Variants in MFSD6 observed in about 807,000 individuals in gnomAD.
MFSD6 encodes major facilitator superfamily domain containing 6.
In MFSD6, 26 loss-of-function variants were observed where a neutral mutation model predicts 56.3. The ratio of observed to expected loss-of-function variants is 0.46; its 90% CI spans 0.34 to 0.64. MFSD6 has a LOEUF of 0.64. Ranked by LOEUF, MFSD6 falls within the 30% of genes least tolerant of loss-of-function variation. MFSD6 has a pLI of 0.01. For missense variants in MFSD6, 750 were observed against 986.2 expected, an observed-to-expected ratio of 0.76 and a Z score of 3.21; for synonymous variants, 331 against 366.9, an observed-to-expected ratio of 0.90 and a Z score of 1.12.
At chr2:190,445,450 C>A in intron 3 of MFSD6, among the ~76,000 whole-genome samples, 1 of 78,028 alleles carries the variant, frequency 1.3e-5, no homozygotes, top group South Asian at 4.6e-4. Flanking sequence ...TTAAAAAGCC[C>A]CAATCACAAA....
intron 4 of MFSD6, among the ~76,000 whole-genome samples, chr2:190,484,807 C>T (rs1340472834): frequency 6.6e-6 from 1 of 152,144 alleles, no homozygotes; most frequent in Non-Finnish European, 1.5e-5. Context: ...TATACGATAT[C>T]TTAAAATAAG....
In MFSD6 at chr2:190,467,255, T is replaced by C. The variant is rs1325019938; in HGVS notation, c.1533-2503T>C. ...TGGGTTTCAACCATAGAGATCTTTA[T>C]TGAGATAGGTGTGGGCCTCGGCATC... is the stretch of plus-strand genomic sequence containing the variant. On this transcript the variant is annotated intron_variant, in intron 3 of 7. Transcript: ENST00000392328. The surrounding 1 kb of genome is among the most constrained non-coding windows in gnomAD (Gnocchi z 5.5). 6.6e-6 allele frequency among the ~76,000 whole-genome samples: 1 copy of C among 152,168 alleles called. No homozygotes were observed. The highest frequency in any genetic ancestry group is 1.5e-5 in the Non-Finnish European group (1 of 68,026).
chr2:190,497,443 G>A lies in MFSD6; in HGVS notation c.1896G>A (p.Lys632=), dbSNP rs1435019170. ...WLAVPDEEED[K]TMLAERIPVP... Reference sequence around the variant, plus strand: ...TAAACATTCTTTTCTCTCCAGACAAGACAATGTTGGCAGAAAGAATTCCTG... The same window carrying A: ...TAAACATTCTTTTCTCTCCAGACAAAACAATGTTGGCAGAAAGAATTCCTG... Residue 632 remains lysine (K), a synonymous_variant, in exon 7 of 8, where the codon AAG becomes AAA. Coordinates refer to ENST00000392328, the MANE Select transcript of MFSD6 (RefSeq NM_017694.4). The surrounding 1 kb of genome is among the most constrained non-coding windows in gnomAD (Gnocchi z 5.2). 6.2e-7 allele frequency: 1 copy of A among 1,613,244 alleles called. No homozygotes were observed. Among genetic ancestry groups the A allele is most frequent in the South Asian group, 1.1e-5 (1 of 91,032 alleles).
intron 3 of MFSD6, chr2:190,444,787 C>A: frequency 2.4e-6 from 1 of 414,358 alleles, no homozygotes; most frequent in Non-Finnish European, 3.2e-6. Context: ...TATTAGGGTG[C>A]TAAAACCATC....
rs1686111364 is a variant in MFSD6 at position 190,434,507 on chromosome 2, C to T, written c.-53-1470C>T. On this transcript the variant is annotated intron_variant, in intron 2 of 7. Transcript: ENST00000392328. The surrounding 1 kb of genome is among the most constrained non-coding windows in gnomAD (Gnocchi z 4.3). Reference sequence around the variant, plus strand: ...CTGGAGTGCAGTGGCGCAATCTCAGCTCACTGCAACCTCCGCCTCCTGGGT... The same window carrying T: ...CTGGAGTGCAGTGGCGCAATCTCAGTTCACTGCAACCTCCGCCTCCTGGGT... 6.6e-6 allele frequency among the ~76,000 whole-genome samples: 1 copy of T among 152,192 alleles called. No homozygotes were observed.
chr2:190,493,066 C>G (rs1689453018), intron 6 of MFSD6, among the ~76,000 whole-genome samples: 7 of 151,982 alleles, frequency 4.6e-5, no homozygotes, highest in Admixed American at 3.9e-4. Context: ...CCTAAATGCT[C>G]CACTTAAAAG....
rs907119551 is a variant in MFSD6 at position 190,431,545 on chromosome 2, A to G, written c.-53-4432A>G. Among the ~76,000 whole-genome samples, 5 of 152,194 alleles carry G rather than the reference A, an allele frequency of 3.3e-5. No individual in the cohort carries two copies. Among genetic ancestry groups the G allele is most frequent in the Admixed American group, 2.0e-4 (3 of 15,288 alleles). The stretch of plus-strand genomic sequence containing the variant: ...CAGCGAAACCCCGTCTCCACCAAAA[A>G]AATACGAAAACCAGTCAGGTGTGGC... On this transcript the variant is annotated intron_variant, in intron 2 of 7. Coordinates refer to ENST00000392328, the MANE Select transcript of MFSD6 (RefSeq NM_017694.4). This position sits in a 1 kb window ranked among gnomAD's most constrained non-coding sequence, Gnocchi z 4.4.
At position 190,431,936 on chromosome 2, in the gene MFSD6, A is replaced by C. The variant is rs1169806821; in HGVS notation, c.-53-4041A>C. Among the ~76,000 whole-genome samples, 1 of 152,186 alleles carries C rather than the reference A, an allele frequency of 6.6e-6. No individual in the cohort carries two copies. The highest frequency in any genetic ancestry group is 2.4e-5 in the African/African-American group (1 of 41,434). ...TTCTGGTATTGTTTCATAGTTGCAT[A>C]ATCTTCTCTTATTTCTGAAGATAAT... On this transcript the variant is annotated intron_variant, in intron 2 of 7. Transcript: ENST00000392328. The surrounding 1 kb of genome is among the most constrained non-coding windows in gnomAD (Gnocchi z 4.4).
chr2:190,474,627 G>T (rs994708731), intron 4 of MFSD6, among the ~76,000 whole-genome samples: 2 of 152,048 alleles, frequency 1.3e-5, no homozygotes, highest in Non-Finnish European at 2.9e-5. Flanking sequence ...AGCTGAATTC[G>T]ACCAGAGGTA....
At chr2:190,430,944 C>T (rs1685967183) in intron 2 of MFSD6, among the ~76,000 whole-genome samples, 1 of 151,550 alleles carries the variant, frequency 6.6e-6, no homozygotes, top group Non-Finnish European at 1.5e-5. Context: ...CCTCACTTCT[C>T]AGACGGGGCG....
rs934936912 is a variant in MFSD6 at position 190,447,465 on chromosome 2, A to C, written c.1532+9904A>C. Among the ~76,000 whole-genome samples the C allele has an allele frequency of 1.3e-5, 2 of 152,120 alleles. No individual in the cohort carries two copies. The highest frequency in any genetic ancestry group is 4.8e-5 in the African/African-American group (2 of 41,424). On this transcript the variant is annotated intron_variant, in intron 3 of 7. Transcript: ENST00000392328. This position sits in a 1 kb window ranked among gnomAD's most constrained non-coding sequence, Gnocchi z 4.5. ...TAAGTCCTCTGCTAATATATGGAGG[A>C]CACATAGGCCCTATCTTATACATAT...
intron 3 of MFSD6, among the ~76,000 whole-genome samples, chr2:190,468,657 C>T (rs1687737834): frequency 6.8e-6 from 1 of 146,216 alleles, no homozygotes; most frequent in Non-Finnish European, 1.5e-5. Context: ...CAGGTTCTCA[C>T]TATGTTGCCC....
rs1465074685 is a variant in MFSD6 at position 190,501,101 on chromosome 2, AAC to A, written c.*889_*890del. Reference sequence around the variant, plus strand: ...AGGCTCTAATTAGCTGAGGGAATGAAACACACAAAAATCACTGAATTCCTAAG... The same window carrying A: ...AGGCTCTAATTAGCTGAGGGAATGAAACACAAAAATCACTGAATTCCTAAG... On this transcript the variant is annotated 3_prime_UTR_variant, in exon 8 of 8. Coordinates refer to ENST00000392328, the MANE Select transcript of MFSD6 (RefSeq NM_017694.4). The A allele has an allele frequency of 6.6e-6, 1 of 152,228 alleles. No homozygotes were observed. Among genetic ancestry groups the A allele is most frequent in the African/African-American group, 2.4e-5 (1 of 41,450 alleles). 9.4% of individuals were successfully genotyped at this position (152,228 alleles called of 1,614,324 possible).
In MFSD6 at chr2:190,436,201, G is replaced by A; in HGVS notation, c.172G>A (p.Glu58Lys). 1 of 1,614,176 alleles carries A rather than the reference G, an allele frequency of 6.2e-7. No homozygotes were observed. Among genetic ancestry groups the A allele is most frequent in the Non-Finnish European group, 8.5e-7 (1 of 1,180,004 alleles). ...AIPEEEIDWI[E>K]KHCVKINNDL... The stretch of plus-strand genomic sequence containing the variant: ...TCCTGAGGAGGAAATAGACTGGATA[G>A]AGAAACATTGTGTTAAGATAAACAA... Residue 58 changes from glutamate to lysine, a missense_variant, in exon 3 of 8, where the codon GAG becomes AAG. By Grantham distance (56) the Glu-to-Lys change is moderately conservative. Coordinates refer to ENST00000392328, the MANE Select transcript of MFSD6 (RefSeq NM_017694.4). The surrounding 1 kb of genome is among the most constrained non-coding windows in gnomAD (Gnocchi z 5.3).
At position 190,417,461 on chromosome 2, in the gene MFSD6, C is replaced by T. The variant is rs377111145; in HGVS notation, c.-54+2048C>T. Among the ~76,000 whole-genome samples the T allele has an allele frequency of 1.2e-3, 184 of 152,276 alleles. 1 individual carries two copies. Among genetic ancestry groups the T allele is most frequent in the African/African-American group, 4.2e-3 (176 of 41,546 alleles). On this transcript the variant is annotated intron_variant, in intron 2 of 7. Transcript: ENST00000392328. The surrounding 1 kb of genome is among the most constrained non-coding windows in gnomAD (Gnocchi z 5.7). ...AAGGTGTTGTGATTGTGTGTGCCCCCGTCTTCTTCTCGCCTCTGGGTGTCA... is the reference window on the plus strand; with the variant it reads ...AAGGTGTTGTGATTGTGTGTGCCCCTGTCTTCTTCTCGCCTCTGGGTGTCA...
At chr2:190,476,418 G>T (rs577353222) in intron 4 of MFSD6, among the ~76,000 whole-genome samples, 2 of 152,202 alleles carry the variant, frequency 1.3e-5, no homozygotes, top group Non-Finnish European at 2.9e-5. Context: ...CTTCTCAAAA[G>T]AAGACATTTA....
intron 3 of MFSD6, among the ~76,000 whole-genome samples, chr2:190,450,373 C>T (rs1276516050): frequency 6.6e-6 from 1 of 152,022 alleles, no homozygotes; most frequent in Admixed American, 6.6e-5. Flanking sequence ...GTAACAATTC[C>T]ATTCTTATTT....
rs572734082 is a variant in MFSD6 at position 190,500,147 on chromosome 2, C to T, written c.2305C>T (p.His769Tyr). The change falls in exon 8 of 8, where the codon CAC becomes TAC. Residue 769 changes from histidine (H) to tyrosine (Y), a missense_variant. By Grantham distance (83) the His-to-Tyr change is moderately conservative. This residue lies in a region of MFSD6 where 172 missense variants were observed against 203.9 expected (regional missense o/e 0.84). Coordinates refer to ENST00000392328, the MANE Select transcript of MFSD6 (RefSeq NM_017694.4). This position sits in a 1 kb window ranked among gnomAD's most constrained non-coding sequence, Gnocchi z 5.3. ...AASQTQTSPA[H>Y]PSVDPCTEES... ...ATCTCAGACGCAGACCAGCCCCGCT[C>T]ACCCCAGTGTGGACCCGTGCACAGA... is the stretch of plus-strand genomic sequence containing the variant. 2.7e-5 allele frequency: 43 copies of T among 1,614,190 alleles called. No individual in the cohort carries two copies. In the South Asian group the frequency reaches 4.4e-4, roughly 16 times the overall value.
chr2:190,469,592 T>C lies in MFSD6; in HGVS notation c.1533-166T>C, dbSNP rs1285309022. 1 of 347,466 alleles carries C rather than the reference T, an allele frequency of 2.9e-6. No homozygotes were observed. Among genetic ancestry groups the C allele is most frequent in the Non-Finnish European group, 5.0e-6 (1 of 199,678 alleles). The allele number at this position is 347,466 out of a possible 1,614,324, so 21.5% of individuals were successfully genotyped here. A position where few individuals can be genotyped will look rare whatever the true frequency, so the allele number is the denominator to read the frequency against. ...ATGCTTAAATGTAATTGTCCTTCAG[T>C]TTTCCCACTCCTGAGTTTGGAGTCT... On this transcript the variant is annotated intron_variant, in intron 3 of 7. Transcript: ENST00000392328. This position sits in a 1 kb window ranked among gnomAD's most constrained non-coding sequence, Gnocchi z 5.3.
Sources: allele counts gnomAD v4.1 joint callset (sites outside exome capture counted in the v4.1 genomes callset), GRCh38; gene constraint gnomAD v4.1.1; regional missense constraint gnomAD v4.1.1; non-coding constraint Gnocchi (gnomAD v3.1); transcripts MANE v1.5; gene names NCBI Gene and HGNC (gene_info 2026-07-23, HGNC 2026-07-21).